TUSC3: variants seen among roughly 807,000 people sequenced by gnomAD.
TUSC3 encodes the protein dolichyl-diphosphooligosaccharide--protein glycosyltransferase subunit TUSC3.
Under a neutral mutation model 44.8 loss-of-function variants are expected in TUSC3, and 45 were observed. The observed-to-expected ratio is 1.00, with a 90% CI of 0.79 to 1.29. The LOEUF (loss-of-function observed/expected upper bound fraction) is 1.29, where lower values mean the gene tolerates loss of function less well. Among genes scored for constraint, TUSC3 ranks in the 50% most tolerant of loss-of-function variants. TUSC3 has a pLI of 0.00. For missense variants in TUSC3, 519 were observed against 437.9 expected, an observed-to-expected ratio of 1.19 and a Z score of -1.65; for synonymous variants, 212 against 152.9, an observed-to-expected ratio of 1.39 and a Z score of -2.85.
At chr8:15,505,751 AT>A (rs200879739) in intron 2 of TUSC3, among the ~76,000 whole-genome samples, 11 of 151,988 alleles carry the variant, frequency 7.2e-5, no homozygotes, top group Admixed American at 2.6e-4. Context: ...GTTAAAATGT[AT>A]TTTTTTTCTG....
chr8:15,523,706 G>GTATATATA (rs1554509643), intron 2 of TUSC3, among the ~76,000 whole-genome samples: 2 of 112,852 alleles, frequency 1.8e-5, no homozygotes, highest in African/African-American at 7.9e-5. Flanking sequence ...GTGTGTGTGT[G>GTATATATA]TGTATATATA....
chr8:15,803,922 G>A, the TUSC3 span, among the ~76,000 whole-genome samples: 1 of 152,100 alleles, frequency 6.6e-6, no homozygotes, highest in Non-Finnish European at 1.5e-5. Flanking sequence ...GTGTATATGT[G>A]CCACATTTTC....
the TUSC3 span, among the ~76,000 whole-genome samples, chr8:15,827,120 G>T: frequency 1.3e-5 from 2 of 152,156 alleles, no homozygotes; most frequent in African/African-American, 4.8e-5. Context: ...TTTTCTTACC[G>T]ATATGGAGGC....
At chr8:15,550,678 TA>T (rs1456286120) in intron 1 of TUSC3, among the ~76,000 whole-genome samples, 35 of 151,436 alleles carry the variant, frequency 2.3e-4, no homozygotes. Flanking sequence ...GTTAGTTAAT[TA>T]TTTTTTTTTA....
the TUSC3 span, among the ~76,000 whole-genome samples, chr8:15,784,727 C>T: frequency 6.6e-6 from 1 of 151,928 alleles, no homozygotes; most frequent in African/African-American, 2.4e-5. Flanking sequence ...CCCATCGAAG[C>T]AGAGAATGGA....
At chr8:15,546,147 C>G (rs1263602777) in intron 1 of TUSC3, among the ~76,000 whole-genome samples, 1 of 151,816 alleles carries the variant, frequency 6.6e-6, no homozygotes, top group Non-Finnish European at 1.5e-5. Context: ...ATGGATATTT[C>G]TCCTGGTCTC....
intron 5 of TUSC3, among the ~76,000 whole-genome samples, chr8:15,667,941 G>A (rs768056837): frequency 4.0e-5 from 6 of 151,624 alleles, no homozygotes; most frequent in Admixed American, 6.6e-5. Context: ...GAAAATAGAC[G>A]GTTAAAGGAG....
chr8:15,569,589 T>C (rs1266200023), intron 1 of TUSC3, among the ~76,000 whole-genome samples: 1 of 152,110 alleles, frequency 6.6e-6, no homozygotes, highest in Non-Finnish European at 1.5e-5. Context: ...AACCAGGACA[T>C]GTGGGAGAGA....
chr8:15,773,986 G>C, the TUSC3 span, among the ~76,000 whole-genome samples: 1 of 152,074 alleles, frequency 6.6e-6, no homozygotes, highest in East Asian at 1.9e-4. Context: ...CCTAGGGTTT[G>C]GCAACAGTTT....
chr8:15,472,191 A>G (rs976068652), intron 1 of TUSC3, among the ~76,000 whole-genome samples: 3 of 152,210 alleles, frequency 2.0e-5, no homozygotes, highest in Admixed American at 1.3e-4. Context: ...AAAGTAAAAT[A>G]CAAGTCTTAA....
chr8:15,738,602 A>G (rs1264452690), intron 7 of TUSC3, among the ~76,000 whole-genome samples: 2 of 152,122 alleles, frequency 1.3e-5, no homozygotes, highest in South Asian at 2.1e-4. Flanking sequence ...CTGAAAAAGT[A>G]TGGCAATTTC....
intron 1 of TUSC3, among the ~76,000 whole-genome samples, chr8:15,442,942 C>T (rs903181775): frequency 6.6e-6 from 1 of 152,068 alleles, no homozygotes; most frequent in Admixed American, 6.6e-5. Context: ...CCTCAATCTG[C>T]CTTTAGTTGG....
At chr8:15,636,095 G>C (rs372666089) in intron 2 of TUSC3, among the ~76,000 whole-genome samples, 98 of 152,322 alleles carry the variant, frequency 6.4e-4, no homozygotes, top group African/African-American at 2.2e-3. Flanking sequence ...TCAGGACTAT[G>C]AGGACTGCCT....
In TUSC3 at chr8:15,766,091, G is replaced by T. The variant is rs1259428034; in HGVS notation, c.*1935G>T. On this transcript the variant is annotated 3_prime_UTR_variant, in exon 11 of 11. Coordinates refer to ENST00000503731, the MANE Select transcript of TUSC3 (RefSeq NM_006765.4). ...ACTTTACTATACCATATTAGTAAAGGTTTTCTAGCTCTTATTTTCTAATTT... is the reference window on the plus strand; with the variant it reads ...ACTTTACTATACCATATTAGTAAAGTTTTTCTAGCTCTTATTTTCTAATTT... 3 of 141,928 alleles carry T rather than the reference G, an allele frequency of 2.1e-5. No homozygotes were observed. The highest frequency in any genetic ancestry group is 4.9e-5 in the Non-Finnish European group (3 of 61,070). 8.8% of individuals were successfully genotyped at this position (141,928 alleles called of 1,614,324 possible). A position where few individuals can be genotyped will look rare whatever the true frequency, so the allele number is the denominator to read the frequency against.
chr8:15,528,366 A>T (rs972514963), intron 2 of TUSC3, among the ~76,000 whole-genome samples: 3 of 152,240 alleles, frequency 2.0e-5, no homozygotes, highest in African/African-American at 7.2e-5. Flanking sequence ...TATATAGTTT[A>T]CTCATTAATT....
chr8:15,467,978 G>A (rs59312155), intron 1 of TUSC3, among the ~76,000 whole-genome samples: 7,993 of 152,180 alleles, frequency 0.053, 272 homozygotes, highest in South Asian at 0.13. Context: ...TGGCAAGATG[G>A]TAGTGTCAGC....
chr8:15,698,502 C>G (rs1252628208), intron 6 of TUSC3, among the ~76,000 whole-genome samples: 1 of 152,138 alleles, frequency 6.6e-6, no homozygotes, highest in Non-Finnish European at 1.5e-5. Context: ...CTCAGGAATG[C>G]TTTTCCCATT....
chr8:15,782,447 C>T, the TUSC3 span, among the ~76,000 whole-genome samples: 8 of 152,058 alleles, frequency 5.3e-5, no homozygotes, highest in East Asian at 5.8e-4. Context: ...CCACTGCACT[C>T]GAGCCTTGGT....
intron 2 of TUSC3, among the ~76,000 whole-genome samples, chr8:15,504,429 G>T (rs1230546989): frequency 6.6e-6 from 1 of 151,510 alleles, no homozygotes; most frequent in East Asian, 1.9e-4. Flanking sequence ...GAAAGTTGTT[G>T]TTAGTATTAG....
Sources: gnomAD v4.1 joint callset for allele counts (sites outside exome capture counted in the v4.1 genomes callset) on GRCh38, gnomAD v4.1.1 for gene constraint, MANE v1.5 for transcripts, NCBI Gene and HGNC (gene_info 2026-07-23, HGNC 2026-07-21) for gene names.